Variants in HS3ST3A1 observed in about 807,000 individuals in gnomAD.
HS3ST3A1 encodes heparan sulfate glucosamine 3-O-sulfotransferase 3A1.
In HS3ST3A1, 19 loss-of-function variants were observed where a neutral mutation model predicts 25.7. That is an observed-to-expected ratio of 0.74 (90% CI 0.52 to 1.08). The LOEUF (loss-of-function observed/expected upper bound fraction) is 1.08. HS3ST3A1 is among the 50% of genes least tolerant of loss of function. HS3ST3A1 has a pLI of 0.00. For synonymous variants in HS3ST3A1, 226 were observed against 278.6 expected (o/e 0.81, Z 1.88); for missense variants, 459 against 594.3 (o/e 0.77, Z 2.37).
chr17:13,579,963 A>G (rs947244701), intron 1 of HS3ST3A1, among the ~76,000 whole-genome samples: 10 of 147,194 alleles, frequency 6.8e-5, no homozygotes, highest in Non-Finnish European at 1.3e-4. Flanking sequence ...AAAAAAAAAA[A>G]AAAGAAAAAA....
At position 13,495,938 on chromosome 17, in the gene HS3ST3A1, A is replaced by G. The variant is rs1046177117; in HGVS notation, c.*259T>C. The stretch of plus-strand genomic sequence containing the variant: ...TAATGACAACTGATGCTTATACTTT[A>G]TGACTGGGTATATAGAACATAAAAT... On this transcript the variant is annotated 3_prime_UTR_variant, in exon 2 of 2. Transcript: ENST00000284110. The G allele has an allele frequency of 5.6e-6, 2 of 359,826 alleles. No individual in the cohort carries two copies. Among genetic ancestry groups the G allele is most frequent in the Non-Finnish European group, 9.7e-6 (2 of 205,398 alleles). The allele number at this position is 359,826 out of a possible 1,614,324, so 22.3% of individuals were successfully genotyped here. A position where few individuals can be genotyped will look rare whatever the true frequency, so the allele number is the denominator to read the frequency against.
At chr17:13,586,589 C>G (rs1008499230) in intron 1 of HS3ST3A1, among the ~76,000 whole-genome samples, 1 of 151,712 alleles carries the variant, frequency 6.6e-6, no homozygotes, top group African/African-American at 2.4e-5. Context: ...GATTTTAGGC[C>G]GGGCGCGGTG....
rs1207861344 is a variant in HS3ST3A1 at position 13,600,451 on chromosome 17, G to A, written c.599+80C>T. ...AAGTGGGGAGGAGGGCGAACTGGGG[G>A]TCACCGAGGGCTCCTCCACGTCTTT... On this transcript the variant is annotated intron_variant, in intron 1 of 1. Transcript: ENST00000284110. 10 of 1,443,254 alleles carry A rather than the reference G, an allele frequency of 6.9e-6. No homozygotes were observed. The Admixed American group carries it at 1.8e-4, about 26-fold the overall frequency. 89.4% of individuals were successfully genotyped at this position (1,443,254 alleles called of 1,614,324 possible).
chr17:13,595,546 A>G (rs1908550520), intron 1 of HS3ST3A1, among the ~76,000 whole-genome samples: 1 of 152,190 alleles, frequency 6.6e-6, no homozygotes, highest in African/African-American at 2.4e-5. Context: ...AGGGAGTACA[A>G]TTTCCTCTGA....
chr17:13,588,305 G>T (rs1221891771), intron 1 of HS3ST3A1, among the ~76,000 whole-genome samples: 1 of 152,056 alleles, frequency 6.6e-6, no homozygotes, highest in African/African-American at 2.4e-5. Context: ...GGCCTAAGGG[G>T]TCATTAAATT....
chr17:13,593,987 C>T (rs1013645211), intron 1 of HS3ST3A1, among the ~76,000 whole-genome samples: 1 of 152,140 alleles, frequency 6.6e-6, no homozygotes, highest in Non-Finnish European at 1.5e-5. Flanking sequence ...TTTTGTCTCC[C>T]CACATCTGGG....
chr17:13,554,463 A>G (rs929336597), intron 1 of HS3ST3A1, among the ~76,000 whole-genome samples: 1 of 152,182 alleles, frequency 6.6e-6, no homozygotes. Flanking sequence ...TTTACAAGAT[A>G]CAGTCATTAC....
chr17:13,535,188 C>G (rs1037077863), intron 1 of HS3ST3A1, among the ~76,000 whole-genome samples: 2 of 152,110 alleles, frequency 1.3e-5, no homozygotes, highest in Admixed American at 6.5e-5. Context: ...TGTTTAAAGA[C>G]ACATTATTTA....
intron 1 of HS3ST3A1, among the ~76,000 whole-genome samples, chr17:13,593,082 C>T (rs563176255): frequency 5.9e-5 from 9 of 152,182 alleles, no homozygotes; most frequent in East Asian, 3.9e-4. Context: ...TTAAAACAAG[C>T]GAAGTAAGCA....
chr17:13,568,800 T>C (rs1159532665), intron 1 of HS3ST3A1, among the ~76,000 whole-genome samples: 1 of 152,138 alleles, frequency 6.6e-6, no homozygotes, highest in Non-Finnish European at 1.5e-5. Flanking sequence ...ACAGCTTCAG[T>C]TTTTCTTTTG....
chr17:13,547,202 A>G (rs890734965), intron 1 of HS3ST3A1, among the ~76,000 whole-genome samples: 1 of 152,136 alleles, frequency 6.6e-6, no homozygotes, highest in South Asian at 2.1e-4. Context: ...TTCCTTTTAA[A>G]GTCCTGTGAT....
intron 1 of HS3ST3A1, among the ~76,000 whole-genome samples, chr17:13,561,638 C>T (rs1004110797): frequency 3.3e-5 from 5 of 152,094 alleles, no homozygotes; most frequent in African/African-American, 1.2e-4. Flanking sequence ...GTGATCCAAC[C>T]ACCTTGGCCT....
intron 1 of HS3ST3A1, among the ~76,000 whole-genome samples, chr17:13,563,156 A>T (rs1368114191): frequency 1.3e-5 from 2 of 151,672 alleles, no homozygotes; most frequent in African/African-American, 2.4e-5. Flanking sequence ...TTCTCCAGGG[A>T]TACCTAGACC....
rs545960564 is a variant in HS3ST3A1 at position 13,516,305 on chromosome 17, G to T, written c.600-19487C>A. ...AGCCTGGGTGACAGCGCAAGACTCTGTCTCAAAAAAATAAAAAAATAAATA... is the reference window on the plus strand; with the variant it reads ...AGCCTGGGTGACAGCGCAAGACTCTTTCTCAAAAAAATAAAAAAATAAATA... On this transcript the variant is annotated intron_variant, in intron 1 of 1. Coordinates refer to ENST00000284110, the MANE Select transcript of HS3ST3A1 (RefSeq NM_006042.3). Among the ~76,000 whole-genome samples, 19 of 151,870 alleles carry T rather than the reference G, an allele frequency of 1.3e-4. No individual in the cohort carries two copies. In the East Asian group the frequency reaches 3.7e-3, roughly 29 times the overall value.
At chr17:13,540,435 A>T (rs887950421) in intron 1 of HS3ST3A1, among the ~76,000 whole-genome samples, 1 of 152,190 alleles carries the variant, frequency 6.6e-6, no homozygotes, top group Non-Finnish European at 1.5e-5. Flanking sequence ...ATTTGATATC[A>T]ATTTCTAGGG....
intron 1 of HS3ST3A1, among the ~76,000 whole-genome samples, chr17:13,564,517 A>G (rs1359564655): frequency 2.6e-5 from 4 of 152,146 alleles, no homozygotes; most frequent in African/African-American, 9.7e-5. Context: ...GTATACATTT[A>G]AATCTTCTCT....
intron 1 of HS3ST3A1, among the ~76,000 whole-genome samples, chr17:13,561,285 A>C (rs1395622605): frequency 6.6e-6 from 1 of 151,958 alleles, no homozygotes; most frequent in Non-Finnish European, 1.5e-5. Context: ...CCCCTACCTA[A>C]GTCTCTTGCC....
rs187845258 is a variant in HS3ST3A1 at position 13,536,449 on chromosome 17, C to T, written c.600-39631G>A. Among the ~76,000 whole-genome samples, 599 of 152,258 alleles carry T rather than the reference C, an allele frequency of 3.9e-3. 3 individuals are homozygous for T. The highest frequency in any genetic ancestry group is 0.014 in the African/African-American group (576 of 41,538). Reference sequence around the variant, plus strand: ...GACAATGGACACAAGCTTTCTGCTCCCCATCTCCTGGGTACCCAAGAGAGT... The same window carrying T: ...GACAATGGACACAAGCTTTCTGCTCTCCATCTCCTGGGTACCCAAGAGAGT... On this transcript the variant is annotated intron_variant, in intron 1 of 1. Coordinates refer to ENST00000284110, the MANE Select transcript of HS3ST3A1 (RefSeq NM_006042.3).
At chr17:13,529,595 A>C (rs1906539024) in intron 1 of HS3ST3A1, among the ~76,000 whole-genome samples, 1 of 152,240 alleles carries the variant, frequency 6.6e-6, no homozygotes. Flanking sequence ...GAATCTTAGA[A>C]GTCCACAGAC....
Sources: allele counts gnomAD v4.1 joint callset (sites outside exome capture counted in the v4.1 genomes callset), GRCh38; gene constraint gnomAD v4.1.1; transcripts MANE v1.5; gene names NCBI Gene and HGNC (gene_info 2026-07-23, HGNC 2026-07-21).